TGIF1: variants seen among roughly 807,000 people sequenced by gnomAD.
The protein encoded by TGIF1 is TGFB induced factor homeobox 1, also known as homeobox protein TGIF1.
In TGIF1, 4 loss-of-function variants were observed where a neutral mutation model predicts 19.3. The ratio of observed to expected loss-of-function variants is 0.21; its 90% CI spans 0.10 to 0.47. TGIF1 has a LOEUF of 0.47. Ranked by LOEUF, TGIF1 falls within the 20% of genes least tolerant of loss-of-function variation. The pLI, the probability that TGIF1 is intolerant of heterozygous loss-of-function variation, is 0.98. For missense variants in TGIF1, 275 were observed against 341.4 expected (o/e 0.81, Z 1.53); for synonymous variants, 122 against 129.3 (o/e 0.94, Z 0.38).
chr18:3,447,294 T>C (rs558564274), upstream of TGIF1, among the ~76,000 whole-genome samples: 1 of 149,764 alleles, frequency 6.7e-6, no homozygotes, highest in Middle Eastern at 3.4e-3. Flanking sequence ...GTAACATTCA[T>C]ATGAATCAGC....
At chr18:3,454,981 C>T (rs999799976) in intron 1 of TGIF1, among the ~76,000 whole-genome samples, 3 of 152,098 alleles carry the variant, frequency 2.0e-5, no homozygotes, top group African/African-American at 7.2e-5. Context: ...AGGAATATTC[C>T]GTGTTTATTT....
chr18:3,427,515 T>C (rs2067589959), intron 2 of TGIF1, among the ~76,000 whole-genome samples: 1 of 151,298 alleles, frequency 6.6e-6, no homozygotes, highest in South Asian at 2.1e-4. Context: ...GGTCTCCAAC[T>C]CTTGATCTCA....
At chr18:3,412,133 CTCGAGCCTGCGGTT>C (rs1364745406) in exon 1 of TGIF1, 1 of 152,718 alleles carries the variant, frequency 6.5e-6, no homozygotes, top group Non-Finnish European at 1.5e-5. Context: ...GAGCCAGAGA[CTCGAGCCTGCGGTT>C]CCAGCCCCGC....
chr18:3,452,713 A>C (rs1002210963), intron 1 of TGIF1, among the ~76,000 whole-genome samples: 1 of 151,930 alleles, frequency 6.6e-6, no homozygotes, highest in Admixed American at 6.6e-5. Flanking sequence ...ACTACCTGGG[A>C]GGGGGGAGCC....
intron 2 of TGIF1, among the ~76,000 whole-genome samples, chr18:3,427,132 C>T (rs1285339554): frequency 1.3e-5 from 2 of 151,918 alleles, no homozygotes; most frequent in African/African-American, 4.8e-5. Context: ...TTAGTACAGA[C>T]GGGGTTTCAC....
chr18:3,454,880 C>T (rs745580538), intron 1 of TGIF1, among the ~76,000 whole-genome samples: 5 of 152,098 alleles, frequency 3.3e-5, no homozygotes, highest in Non-Finnish European at 7.4e-5. Context: ...CCTTCTGCCC[C>T]CTGCAGTCCA....
chr18:3,444,667 T>A (rs1568040856), intron 2 of TGIF1, among the ~76,000 whole-genome samples: 1 of 152,248 alleles, frequency 6.6e-6, no homozygotes, highest in Non-Finnish European at 1.5e-5. Flanking sequence ...AGTCTCACTC[T>A]GTCACCCAGG....
chr18:3,451,696 G>C lies in TGIF1; in HGVS notation c.16+1191G>C. ...TTCTGTGGGAGGCCCTGAAACGCGC[G>C]GAGCTTCCCTCTGCCTCCAGGCTTT... On this transcript the variant is annotated intron_variant, in intron 1 of 2. Coordinates refer to ENST00000343820, the MANE Select transcript of TGIF1 (RefSeq NM_003244.4). This position sits in a 1 kb window ranked among gnomAD's most constrained non-coding sequence, Gnocchi z 5.4. The C allele has an allele frequency of 1.7e-6, 2 of 1,206,472 alleles. No homozygotes were observed. Among genetic ancestry groups the C allele is most frequent in the Non-Finnish European group, 2.1e-6 (2 of 971,496 alleles). The allele number at this position is 1,206,472 out of a possible 1,614,324, so 74.7% of individuals were successfully genotyped here. A position where few individuals can be genotyped will look rare whatever the true frequency, so the allele number is the denominator to read the frequency against.
chr18:3,451,263 C>T lies in TGIF1; in HGVS notation c.16+758C>T. ...TTGGTTGTAAGTGCAAAGAGCAAGG[C>T]TGTCATTGTTTCCACGAAGTGTTCT... On this transcript the variant is annotated intron_variant, in intron 1 of 2. Transcript: ENST00000343820. The surrounding 1 kb of genome is among the most constrained non-coding windows in gnomAD (Gnocchi z 5.4). 2.7e-6 allele frequency: 2 copies of T among 733,676 alleles called. No homozygotes were observed. The highest frequency in any genetic ancestry group is 3.3e-6 in the Non-Finnish European group (2 of 600,692). The allele number at this position is 733,676 out of a possible 1,614,324, so 45.4% of individuals were successfully genotyped here. A position where few individuals can be genotyped will look rare whatever the true frequency, so the allele number is the denominator to read the frequency against.
At chr18:3,413,444 A>G (rs1472111372) in intron 1 of TGIF1, among the ~76,000 whole-genome samples, 1 of 152,224 alleles carries the variant, frequency 6.6e-6, no homozygotes, top group African/African-American at 2.4e-5. Context: ...TGACATCTTT[A>G]TAATATTGAA....
upstream of TGIF1, among the ~76,000 whole-genome samples, chr18:3,445,755 AGAAGAAAAGC>A (rs2082735619): frequency 3.9e-4 from 22 of 56,746 alleles, no homozygotes; most frequent in Admixed American, 6.9e-4. Flanking sequence ...AAAAAAAAAG[AGAAGAAAAGC>A]AAAAAAAAAA....
chr18:3,414,328 C>CT lies in TGIF1; in HGVS notation c.-118+2075dup, dbSNP rs1321509833. Among the ~76,000 whole-genome samples, 4 of 152,202 alleles carry CT rather than the reference C, an allele frequency of 2.6e-5. No individual in the cohort carries two copies. The East Asian group carries it at 7.7e-4, about 29-fold the overall frequency. ...AACACTTACTGTGAACCCAGGCAGT[C>CT]TGAGTCTAGAATTGATATTCTCATT... On this transcript the variant is annotated intron_variant, in intron 1 of 3. Transcript: ENST00000401449.
chr18:3,450,986 G>T, intron 1 of TGIF1, among the ~76,000 whole-genome samples: 1 of 70,970 alleles, frequency 1.4e-5, no homozygotes, highest in African/African-American at 5.3e-5. Flanking sequence ...CGCCCCCGCC[G>T]CCCCCCTACT....
intron 2 of TGIF1, among the ~76,000 whole-genome samples, chr18:3,432,375 A>G (rs764176174): frequency 1.3e-5 from 2 of 152,180 alleles, no homozygotes; most frequent in Non-Finnish European, 2.9e-5. Flanking sequence ...GTGATCCTAC[A>G]TCGGATCTTA....
In TGIF1 at chr18:3,457,499, G is replaced by A. The variant is rs749299831; in HGVS notation, c.378G>A (p.Val126=). 1 of 1,614,178 alleles carries A rather than the reference G, an allele frequency of 6.2e-7. No individual in the cohort carries two copies. The highest frequency in any genetic ancestry group is 8.5e-7 in the Non-Finnish European group (1 of 1,180,024). The stretch of plus-strand genomic sequence containing the variant: ...CTGAAACGAGCTCTGTGGAGTCCGT[G>A]ATGGGCATCAAAAACTTCATGCCAG... ...KISETSSVES[V]MGIKNFMPAL... is the part of the protein sequence containing the mutation. The change falls in exon 3 of 3, where the codon GTG becomes GTA. Residue 126 remains valine (V), a synonymous_variant. Coordinates refer to ENST00000343820, the MANE Select transcript of TGIF1 (RefSeq NM_003244.4). This position sits in a 1 kb window ranked among gnomAD's most constrained non-coding sequence, Gnocchi z 4.9.
At chr18:3,413,567 G>T (rs1290178443) in intron 1 of TGIF1, among the ~76,000 whole-genome samples, 1 of 149,576 alleles carries the variant, frequency 6.7e-6, no homozygotes. Context: ...TTATTCTTGA[G>T]AATTTTATAA....
chr18:3,412,271 C>G (rs1318142338), intron 1 of TGIF1: 1 of 152,216 alleles, frequency 6.6e-6, no homozygotes, highest in Non-Finnish European at 1.5e-5. Context: ...CCTGCCCCTT[C>G]TACCAGGTCA....
Position 3,451,712 on chromosome 18 carries a change from T to C in TGIF1, c.16+1207T>C. 8.1e-7 allele frequency: 1 copy of C among 1,231,296 alleles called. No individual in the cohort carries two copies. The allele number at this position is 1,231,296 out of a possible 1,614,324, so 76.3% of individuals were successfully genotyped here. A position where few individuals can be genotyped will look rare whatever the true frequency, so the allele number is the denominator to read the frequency against. On this transcript the variant is annotated intron_variant, in intron 1 of 2. Coordinates refer to ENST00000343820, the MANE Select transcript of TGIF1 (RefSeq NM_003244.4). The surrounding 1 kb of genome is among the most constrained non-coding windows in gnomAD (Gnocchi z 5.4). Reference sequence around the variant, plus strand: ...GAAACGCGCGGAGCTTCCCTCTGCCTCCAGGCTTTCCCAGCGAGAGTGAAA... The same window carrying C: ...GAAACGCGCGGAGCTTCCCTCTGCCCCCAGGCTTTCCCAGCGAGAGTGAAA...
chr18:3,422,627 TCAGTC>T (rs1378323377), intron 2 of TGIF1, among the ~76,000 whole-genome samples: 4 of 150,080 alleles, frequency 2.7e-5, no homozygotes, highest in African/African-American at 9.7e-5. Flanking sequence ...AAAGCAACAT[TCAGTC>T]CTGCAGGCTC....
Sources: allele counts gnomAD v4.1 joint callset (sites outside exome capture counted in the v4.1 genomes callset), GRCh38; gene constraint gnomAD v4.1.1; non-coding constraint Gnocchi (gnomAD v3.1); transcripts MANE v1.5; gene names NCBI Gene and HGNC (gene_info 2026-07-23, HGNC 2026-07-21).